The following SMYD4 variants were observed in gnomAD, a reference collection of about 807,000 sequenced individuals.
SMYD4 encodes SET and MYND domain containing 4, also known as protein-lysine N-methyltransferase SMYD4.
In SMYD4, 68 loss-of-function variants were observed where a neutral mutation model predicts 72.8. That is an observed-to-expected ratio of 0.93 (90% confidence interval 0.77 to 1.14). SMYD4 has a LOEUF of 1.14. SMYD4 is among the 50% of genes most tolerant of loss of function. SMYD4 has a pLI of 0.00. For missense variants in SMYD4, 984 were observed against 1,003.7 expected, an observed-to-expected ratio of 0.98 and a Z score of 0.27; for synonymous variants, 407 against 388.6, an observed-to-expected ratio of 1.05 and a Z score of -0.56.
intron 2 of SMYD4, among the ~76,000 whole-genome samples, chr17:1,823,983 G>A (rs943172590): frequency 1.3e-5 from 2 of 152,136 alleles, no homozygotes; most frequent in African/African-American, 4.8e-5. Flanking sequence ...TAGTTTCATA[G>A]CTAAAAGTTT....
chr17:1,826,691 G>C (rs905178118), intron 2 of SMYD4, among the ~76,000 whole-genome samples: 9 of 152,116 alleles, frequency 5.9e-5, no homozygotes, highest in African/African-American at 2.2e-4. Context: ...CGTGAAAGGT[G>C]TGTGTTTCTG....
intron 7 of SMYD4, among the ~76,000 whole-genome samples, chr17:1,785,284 A>G (rs775423432): frequency 1.3e-5 from 2 of 149,310 alleles, no homozygotes; most frequent in African/African-American, 2.4e-5. Context: ...TTAGCCGGGC[A>G]TGGTGGTGGC....
chr17:1,811,475 G>A (rs1019879195), intron 3 of SMYD4, among the ~76,000 whole-genome samples: 2 of 152,224 alleles, frequency 1.3e-5, no homozygotes, highest in African/African-American at 4.8e-5. Context: ...GAACCACTGT[G>A]CTGGGCCTAA....
intron 3 of SMYD4, among the ~76,000 whole-genome samples, chr17:1,808,919 T>C (rs1910180693): frequency 6.6e-6 from 1 of 152,234 alleles, no homozygotes; most frequent in South Asian, 2.1e-4. Flanking sequence ...AGGGATTTTA[T>C]CAGCTGTAGA....
chr17:1,818,046 C>CAAAAAAAAA (rs540448588), intron 2 of SMYD4, among the ~76,000 whole-genome samples: 3 of 103,266 alleles, frequency 2.9e-5, no homozygotes, highest in Non-Finnish European at 5.6e-5. Context: ...GACTCTGTCT[C>CAAAAAAAAA]AAAAAAAAAA....
intron 7 of SMYD4, among the ~76,000 whole-genome samples, chr17:1,785,187 G>T (rs1435364958): frequency 4.1e-5 from 6 of 145,004 alleles, no homozygotes; most frequent in South Asian, 2.2e-4. Context: ...CTTTGGGAGG[G>T]CGAGGCGGGT....
intron 7 of SMYD4, among the ~76,000 whole-genome samples, chr17:1,785,275 T>C (rs1287108807): frequency 9.6e-5 from 14 of 145,164 alleles, no homozygotes; most frequent in Non-Finnish European, 1.4e-4. Flanking sequence ...TACAAAAAAT[T>C]AGCCGGGCAT....
rs201286187 is a variant in SMYD4 at position 1,811,997 on chromosome 17, T to C, written c.253A>G (p.Thr85Ala). 1.7e-5 allele frequency: 27 copies of C among 1,614,140 alleles called. No individual in the cohort carries two copies. In the African/African-American group the frequency reaches 3.2e-4, roughly 19 times the overall value. The change falls in exon 3 of 11, where the codon ACA (threonine) becomes GCA (alanine). Residue 85 changes from threonine (T) to alanine (A), a missense_variant. By Grantham distance (58) the Thr-to-Ala change is moderately conservative. Transcript: ENST00000305513. ...TTAGAGTACAGCACTGCAGCTCCTG[T>C]GTAATCTTTCTCCTGAAATTTTTTG... ...GNKKFQEKDY[T>A]GAAVLYSKGV...
intron 5 of SMYD4, among the ~76,000 whole-genome samples, chr17:1,798,853 T>G (rs1289556963): frequency 6.6e-6 from 1 of 151,338 alleles, no homozygotes; most frequent in Admixed American, 6.6e-5. Flanking sequence ...GAGCTGAGAT[T>G]GCGCCACTGC....
At position 1,799,985 on chromosome 17, in the gene SMYD4, G is replaced by T. The variant is rs778757412; in HGVS notation, c.1409C>A (p.Ser470Tyr). 4.3e-6 allele frequency: 7 copies of T among 1,613,960 alleles called. No homozygotes were observed. The highest frequency in any genetic ancestry group is 8.5e-7 in the Non-Finnish European group (1 of 1,180,014). The change falls in exon 5 of 11, where the codon TCC (serine) becomes TAC (tyrosine). Residue 470 changes from serine (S) to tyrosine (Y), a missense_variant. Transcript: ENST00000305513. ...QAIPTERIVN[S>Y]SQLKAAVTPE... ...TGTCACTGCTGCTTTAAGCTGAGAGGAGTTCACAATCCTCTCAGTTGGGAT... is the reference window on the plus strand; with the variant it reads ...TGTCACTGCTGCTTTAAGCTGAGAGTAGTTCACAATCCTCTCAGTTGGGAT...
At chr17:1,787,050 G>C in intron 6 of SMYD4, 77 bp from the exon 7 acceptor site, 1 of 1,554,042 alleles carries the variant, frequency 6.4e-7, no homozygotes, top group South Asian at 1.2e-5. Flanking sequence ...CAGCTTAGCA[G>C]AGGGTCTGGA....
intron 4 of SMYD4, among the ~76,000 whole-genome samples, chr17:1,801,265 G>C (rs902079780): frequency 2.0e-5 from 3 of 151,940 alleles, no homozygotes; most frequent in African/African-American, 7.3e-5. Context: ...TTGAGACGGA[G>C]TCTCGCTCTG....
chr17:1,785,330 G>A (rs1908610370), intron 7 of SMYD4, among the ~76,000 whole-genome samples: 1 of 150,358 alleles, frequency 6.7e-6, no homozygotes, highest in Non-Finnish European at 1.5e-5. Context: ...GGAGGCTGAG[G>A]CAGGAGAATG....
chr17:1,788,696 C>G (rs186292012), intron 5 of SMYD4, among the ~76,000 whole-genome samples: 2 of 151,726 alleles, frequency 1.3e-5, no homozygotes, highest in African/African-American at 2.4e-5. Flanking sequence ...GAGCCAAGAT[C>G]GTGCTGCTGC....
At chr17:1,787,793 G>A (rs1222407826) in intron 5 of SMYD4, among the ~76,000 whole-genome samples, 189 bp from the exon 6 acceptor site, 1 of 152,134 alleles carries the variant, frequency 6.6e-6, no homozygotes, top group Non-Finnish European at 1.5e-5. Flanking sequence ...GAAGCAAAGT[G>A]GATGAACGCA....
intron 2 of SMYD4, among the ~76,000 whole-genome samples, chr17:1,815,161 T>C (rs1325633988): frequency 6.6e-6 from 1 of 151,954 alleles, no homozygotes; most frequent in Non-Finnish European, 1.5e-5. Context: ...CCTTCCGGGT[T>C]CAAGTGATTC....
rs1908765918 is a variant in SMYD4 at position 1,787,525 on chromosome 17, G to A, written c.1617C>T (p.Asn539=). The A allele has an allele frequency of 3.1e-6, 5 of 1,591,934 alleles. No individual in the cohort carries two copies. In the Admixed American group the frequency reaches 5.3e-5, roughly 17 times the overall value. The change falls in exon 6 of 11, where the codon AAC becomes AAT. Residue 539 remains asparagine (N), a synonymous_variant. Transcript: ENST00000305513. ...TGIFPVISLL[N]HSCSPNTSVS... is the part of the protein sequence containing the mutation. ...CGCTGGTGTTGGGGCTACAGGAGTGGTTCAGGAGGCTGATAACAGGGAAGA... is the reference window on the plus strand; with the variant it reads ...CGCTGGTGTTGGGGCTACAGGAGTGATTCAGGAGGCTGATAACAGGGAAGA...
chr17:1,794,285 TTTTTTTTGTA>T (rs1171672105), intron 5 of SMYD4, among the ~76,000 whole-genome samples: 2 of 145,134 alleles, frequency 1.4e-5, no homozygotes, highest in African/African-American at 2.5e-5. Flanking sequence ...AATTTTTTTT[TTTTTTTTGTA>T]TTTTTAGTAG....
At chr17:1,827,252 G>C (rs1286882747) in intron 2 of SMYD4, among the ~76,000 whole-genome samples, 1 of 151,336 alleles carries the variant, frequency 6.6e-6, no homozygotes, top group African/African-American at 2.4e-5. Context: ...TGAGATACGA[G>C]AATTGCCTGA....
Sources: allele counts gnomAD v4.1 joint callset (sites outside exome capture counted in the v4.1 genomes callset), GRCh38; gene constraint gnomAD v4.1.1; transcripts MANE v1.5; gene names NCBI Gene and HGNC (gene_info 2026-07-23, HGNC 2026-07-21).